BCL9: variants seen among roughly 807,000 people sequenced by gnomAD.
BCL9 encodes the protein BCL9 transcription coactivator.
A neutral mutation model predicts 88.5 loss-of-function variants in BCL9; 25 were observed. The ratio of observed to expected loss-of-function variants is 0.28; its 90% CI spans 0.21 to 0.39. The LOEUF is 0.39. Ranked by LOEUF, BCL9 falls within the 10% of genes least tolerant of loss-of-function variation. The pLI, the probability that BCL9 is intolerant of heterozygous loss-of-function variation, is 1.00. For missense variants in BCL9, 1,817 were observed against 1,877.8 expected, an observed-to-expected ratio of 0.97 and a Z score of 0.60; for synonymous variants, 711 against 673.3, an observed-to-expected ratio of 1.06 and a Z score of -0.87.
chr1:147,606,408 A>G (rs1657714379), intron 2 of BCL9, among the ~76,000 whole-genome samples: 1 of 152,228 alleles, frequency 6.6e-6, no homozygotes, highest in Non-Finnish European at 1.5e-5. Context: ...TCTCACCTTT[A>G]CAGTCAGCTT....
Position 147,619,744 on chromosome 1 carries a change from G to A in BCL9, c.1589G>A (p.Gly530Asp). The A allele has an allele frequency of 3.1e-6, 5 of 1,614,060 alleles. No homozygotes were observed. The highest frequency in any genetic ancestry group is 4.2e-6 in the Non-Finnish European group (5 of 1,180,016). Residue 530 changes from glycine to aspartate, a missense_variant, in exon 8 of 10, where the codon GGT becomes GAT. Gly to Asp is a moderately conservative substitution (Grantham distance 94). Coordinates refer to ENST00000234739, the MANE Select transcript of BCL9 (RefSeq NM_004326.4). The surrounding 1 kb of genome is among the most constrained non-coding windows in gnomAD (Gnocchi z 4.1). ...CCTAGTGAAGGCTGGGCACCTGGGG[G>A]TACAGAGCCATTTTCTGATGGTATC... is the stretch of plus-strand genomic sequence containing the variant. ...MTPSEGWAPGGTEPFSDGINM... is the reference protein window; with the variant it reads ...MTPSEGWAPGDTEPFSDGINM...
chr1:147,624,045 G>T lies in BCL9; in HGVS notation c.3367G>T (p.Gly1123Trp). 6.2e-7 allele frequency: 1 copy of T among 1,614,100 alleles called. No homozygotes were observed. The highest frequency in any genetic ancestry group is 1.1e-5 in the South Asian group (1 of 91,084). Residue 1123 changes from glycine to tryptophan, a missense_variant, in exon 10 of 10, where the codon GGG becomes TGG. Coordinates refer to ENST00000234739, the MANE Select transcript of BCL9 (RefSeq NM_004326.4). The surrounding 1 kb of genome is among the most constrained non-coding windows in gnomAD (Gnocchi z 4.4). The part of the protein sequence containing the change: ...LMSHNPIMGH[G>W]SQEPPMVPQG... ...GTCACACAATCCTATCATGGGGCAT[G>T]GGTCCCAGGAGCCACCGATGGTACC...
At chr1:147,574,012 A>C (rs999956856) in intron 1 of BCL9, among the ~76,000 whole-genome samples, 3 of 152,182 alleles carry the variant, frequency 2.0e-5, no homozygotes, top group African/African-American at 7.2e-5. Flanking sequence ...CTATGTGCCA[A>C]GTACTATCCT....
At position 147,612,887 on chromosome 1, in the gene BCL9, C is replaced by T. The variant is rs1553202837; in HGVS notation, c.58C>T (p.Pro20Ser). The T allele has an allele frequency of 1.2e-6, 2 of 1,613,606 alleles. No homozygotes were observed. Among genetic ancestry groups the T allele is most frequent in the Admixed American group, 1.7e-5 (1 of 59,970 alleles). ...TTTGTTATTTGTTTCTTTTAGTAGCCCTAAGTCAAAGCAGGAGGTGATGGT... is the reference window on the plus strand; with the variant it reads ...TTTGTTATTTGTTTCTTTTAGTAGCTCTAAGTCAAAGCAGGAGGTGATGGT... ...SSPSGNTQSSPKSKQEVMVRP... is the reference protein window; with the variant it reads ...SSPSGNTQSSSKSKQEVMVRP... Residue 20 changes from proline to serine, a missense_variant, in exon 5 of 10, where the codon CCT becomes TCT. Physicochemically the swap from Pro to Ser is moderately conservative, Grantham distance 74. Coordinates refer to ENST00000234739, the MANE Select transcript of BCL9 (RefSeq NM_004326.4).
At chr1:147,568,374 G>A (rs1369096091) in intron 1 of BCL9, among the ~76,000 whole-genome samples, 5 of 151,922 alleles carry the variant, frequency 3.3e-5, no homozygotes, top group African/African-American at 1.2e-4. Flanking sequence ...TTTTGAGTTA[G>A]AAGGAATCAC....
chr1:147,545,375 G>T (rs1654518513), intron 1 of BCL9, among the ~76,000 whole-genome samples: 1 of 152,188 alleles, frequency 6.6e-6, no homozygotes. Context: ...GCCTCTTGGG[G>T]AGGCAGTCTG....
At chr1:147,618,092 C>A (rs1553204116) in intron 7 of BCL9, among the ~76,000 whole-genome samples, 1 of 152,156 alleles carries the variant, frequency 6.6e-6, no homozygotes, top group Non-Finnish European at 1.5e-5. Context: ...CAAGAGACAC[C>A]ATGAGCTAGA....
At chr1:147,617,403 C>T (rs1376847548) in intron 7 of BCL9, among the ~76,000 whole-genome samples, 1 of 152,128 alleles carries the variant, frequency 6.6e-6, no homozygotes, top group Non-Finnish European at 1.5e-5. Flanking sequence ...CAAAACCTGA[C>T]CAACAAAACC....
intron 1 of BCL9, among the ~76,000 whole-genome samples, chr1:147,576,736 C>G (rs1255106645): frequency 1.3e-5 from 2 of 152,106 alleles, no homozygotes; most frequent in Admixed American, 1.3e-4. Flanking sequence ...CTGATAGGTT[C>G]CAGTCACTGT....
At chr1:147,550,276 A>T (rs1443051265) in intron 1 of BCL9, among the ~76,000 whole-genome samples, 1 of 152,150 alleles carries the variant, frequency 6.6e-6, no homozygotes, top group African/African-American at 2.4e-5. Flanking sequence ...TTTAGTACGA[A>T]CCATGGAAGG....
Position 147,574,313 on chromosome 1 carries a change from A to G in BCL9, c.-477-30464A>G, listed in dbSNP as rs1440766159. 4.6e-5 allele frequency among the ~76,000 whole-genome samples: 7 copies of G among 152,182 alleles called. 1 individual carries two copies. The highest frequency in any genetic ancestry group is 1.3e-4 in the Admixed American group (2 of 15,278). On this transcript the variant is annotated intron_variant, in intron 1 of 9. Coordinates refer to ENST00000234739, the MANE Select transcript of BCL9 (RefSeq NM_004326.4). ...GCCCCTTCCTGACACCGCAGTTGTC[A>G]TTTGTGGAAGAACGTAGTGCAATGT...
chr1:147,623,503 T>C (rs1658757979), intron 9 of BCL9, among the ~76,000 whole-genome samples: 1 of 152,208 alleles, frequency 6.6e-6, no homozygotes, highest in Non-Finnish European at 1.5e-5. Context: ...CGTACTTGAG[T>C]CATTCAGGCA....
At chr1:147,580,997 C>T (rs1656339935) in intron 1 of BCL9, among the ~76,000 whole-genome samples, 1 of 152,166 alleles carries the variant, frequency 6.6e-6, no homozygotes, top group African/African-American at 2.4e-5. Context: ...GATGATAACA[C>T]TGGTGCTCCT....
At chr1:147,597,194 T>C (rs1553200586) in intron 1 of BCL9, among the ~76,000 whole-genome samples, 2 of 152,198 alleles carry the variant, frequency 1.3e-5, no homozygotes, top group South Asian at 4.1e-4. Context: ...TCCTAAAATT[T>C]AGGTTTAAGT....
rs1451675802 is a variant in BCL9, at chr1:147,615,841, T to C, written c.599T>C (p.Ile200Thr). Residue 200 changes from isoleucine (I) to threonine (T), a missense_variant, in exon 7 of 10, where the codon ATC becomes ACC. Ile to Thr is a moderately conservative substitution (Grantham distance 89, BLOSUM62 -1). Transcript: ENST00000234739. Reference protein sequence around the residue: ...EAVLKGQVETIVSFHIQNISN... With the variant: ...EAVLKGQVETTVSFHIQNISN... ...GTTTTGAAGGGCCAGGTTGAAACTA[T>C]CGTCTCTTTCCACATCCAGAACATT... 1 of 1,614,084 alleles carries C rather than the reference T, an allele frequency of 6.2e-7. No homozygotes were observed. The highest frequency in any genetic ancestry group is 8.5e-7 in the Non-Finnish European group (1 of 1,180,048).
At position 147,612,946 on chromosome 1, in the gene BCL9, C is replaced by G. The variant is rs782339120; in HGVS notation, c.117C>G (p.Asn39Lys). 2.4e-5 allele frequency: 38 copies of G among 1,613,666 alleles called. No homozygotes were observed. The highest frequency in any genetic ancestry group is 3.2e-5 in the Non-Finnish European group (38 of 1,179,858). ...CTACAGTGATGTCCCCATCTGGAAA[C>G]CCCCAGCTGGATTCCAAATTCTCCA... is the stretch of plus-strand genomic sequence containing the variant. ...RPPTVMSPSG[N>K]PQLDSKFSNQ... is the part of the protein sequence containing the mutation. Residue 39 changes from asparagine to lysine, a missense_variant, in exon 5 of 10, where the codon AAC becomes AAG. Physicochemically the swap from Asn to Lys is moderately conservative, Grantham distance 94. This residue lies in a region of BCL9 where 1,228 missense variants were observed against 1,191.6 expected (regional missense o/e 1.03). Transcript: ENST00000234739.
At chr1:147,556,962 T>C (rs1655143231) in intron 1 of BCL9, among the ~76,000 whole-genome samples, 1 of 152,190 alleles carries the variant, frequency 6.6e-6, no homozygotes, top group Non-Finnish European at 1.5e-5. Flanking sequence ...ACTAGCTAAC[T>C]GACCATACCA....
At chr1:147,616,682 G>T (rs1480216088) in intron 7 of BCL9, among the ~76,000 whole-genome samples, 2 of 151,962 alleles carry the variant, frequency 1.3e-5, no homozygotes, top group Non-Finnish European at 2.9e-5. Flanking sequence ...CAGGAGAATG[G>T]CCTGAACCTG....
chr1:147,612,974 C>T lies in BCL9; in HGVS notation c.145C>T (p.Gln49Ter). The T allele has an allele frequency of 6.2e-7, 1 of 1,611,714 alleles. No homozygotes were observed. Among genetic ancestry groups the T allele is most frequent in the Non-Finnish European group, 8.5e-7 (1 of 1,178,984 alleles). ...CCAGCTGGATTCCAAATTCTCCAAT[C>T]AGGGTAAACAGGGGGGCTCAGCCAG... ...NPQLDSKFSN[Q>*]GKQGGSASQS... is the part of the protein sequence containing the mutation. Residue 49 changes from glutamine to a stop codon, truncating the protein, a stop_gained, in exon 5 of 10, where the codon CAG (glutamine) becomes TAG (stop). Transcript: ENST00000234739. LOFTEE classifies it high-confidence loss of function.
Sources: gnomAD v4.1 joint callset for allele counts (sites outside exome capture counted in the v4.1 genomes callset) on GRCh38, gnomAD v4.1.1 for gene constraint, gnomAD v4.1.1 regional missense constraint, Gnocchi (gnomAD v3.1) non-coding constraint, MANE v1.5 for transcripts, NCBI Gene and HGNC (gene_info 2026-07-23, HGNC 2026-07-21) for gene names.